TNRC6A: variants seen among roughly 807,000 people sequenced by gnomAD.
TNRC6A encodes trinucleotide repeat containing adaptor 6A, also known as trinucleotide repeat-containing gene 6A protein.
In TNRC6A, 44 loss-of-function variants were observed where a neutral mutation model predicts 221.2. The ratio of observed to expected loss-of-function variants is 0.20; its 90% CI spans 0.16 to 0.26. The LOEUF is 0.26. Ranked by LOEUF, TNRC6A falls within the 10% of genes least tolerant of loss-of-function variation. The probability of loss-of-function intolerance (pLI) is 1.00; values close to 1 mark genes in which losing one functional copy is unlikely to be tolerated. For missense variants in TNRC6A, 2,199 were observed against 2,404.4 expected (o/e 0.91, Z 1.79); for synonymous variants, 847 against 838.5 (o/e 1.01, Z -0.18).
chr16:24,670,883 T>C, intron 2 of TNRC6A: 1 of 267,182 alleles, frequency 3.7e-6, no homozygotes, highest in Admixed American at 4.0e-5. Context: ...CCTTGCCCGT[T>C]TCTCTCACCT....
chr16:24,687,884 C>A (rs71375680), intron 2 of TNRC6A, among the ~76,000 whole-genome samples: 65,989 of 110,238 alleles, frequency 0.6, 19,253 homozygotes, highest in Non-Finnish European at 0.68. Context: ...GAAGAAGAAG[C>A]AGCTTATTCC....
chr16:24,670,335 A>C (rs191603895), intron 2 of TNRC6A, among the ~76,000 whole-genome samples: 3 of 152,136 alleles, frequency 2.0e-5, no homozygotes, highest in Admixed American at 2.0e-4. Flanking sequence ...CTTAGCTGGG[A>C]AGTGGCAGAG....
chr16:24,757,296 G>T (rs113002142), intron 3 of TNRC6A, among the ~76,000 whole-genome samples: 2 of 152,028 alleles, frequency 1.3e-5, no homozygotes, highest in Non-Finnish European at 2.9e-5. Context: ...CAATATTAGG[G>T]AGTTACTATA....
intron 11 of TNRC6A, among the ~76,000 whole-genome samples, chr16:24,801,241 C>T (rs989490090): frequency 2.0e-5 from 3 of 152,048 alleles, no homozygotes; most frequent in Non-Finnish European, 4.4e-5. Context: ...GATAATGGAC[C>T]GAAGACAGTC....
intron 2 of TNRC6A, among the ~76,000 whole-genome samples, chr16:24,674,368 G>T (rs1357740349): frequency 6.6e-6 from 1 of 152,080 alleles, no homozygotes; most frequent in Non-Finnish European, 1.5e-5. Context: ...TCATGCCACT[G>T]CACTCCAGCC....
chr16:24,769,723 G>A, intron 4 of TNRC6A, among the ~76,000 whole-genome samples: 1 of 152,128 alleles, frequency 6.6e-6, no homozygotes, highest in South Asian at 2.1e-4. Flanking sequence ...ATACTAACCA[G>A]TGACCATCAT....
At chr16:24,731,977 C>T (rs1031522976) in intron 2 of TNRC6A, among the ~76,000 whole-genome samples, 1 of 152,202 alleles carries the variant, frequency 6.6e-6, no homozygotes, top group Non-Finnish European at 1.5e-5. Context: ...AGGGCATGTA[C>T]AGTCTAGTAG....
At chr16:24,729,647 A>T, upstream of TNRC6A, 1 of 532,288 alleles carries the variant, frequency 1.9e-6, no homozygotes, top group Non-Finnish European at 2.9e-6. Flanking sequence ...CGAGTGGGGC[A>T]TTCACTTCCG....
intron 6 of TNRC6A, among the ~76,000 whole-genome samples, chr16:24,792,905 C>T (rs538390598): frequency 2.0e-5 from 3 of 151,620 alleles, no homozygotes; most frequent in Non-Finnish European, 4.4e-5. Context: ...TCTCCTGTCT[C>T]AGCCTCCTGA....
intron 1 of TNRC6A, among the ~76,000 whole-genome samples, chr16:24,620,950 G>C (rs1900638072): frequency 6.6e-6 from 1 of 151,708 alleles, no homozygotes; most frequent in Non-Finnish European, 1.5e-5. Flanking sequence ...TGGGCATGGT[G>C]GTGGGTGCCT....
chr16:24,745,309 G>C (rs965120359), intron 2 of TNRC6A, among the ~76,000 whole-genome samples: 14 of 152,098 alleles, frequency 9.2e-5, no homozygotes, highest in African/African-American at 3.1e-4. Flanking sequence ...AAGGTTGCTA[G>C]TGACTTCCTG....
At chr16:24,794,459 A>C (rs1436684961) in intron 7 of TNRC6A, 85 bp from the exon 8 acceptor site, 1 of 1,442,772 alleles carries the variant, frequency 6.9e-7, no homozygotes, top group Non-Finnish European at 9.3e-7. Flanking sequence ...TAGGTTCTCT[A>C]CCCAATTTTT....
Position 24,823,231 on chromosome 16 carries a change from G to A in TNRC6A, c.5514-201G>A, listed in dbSNP as rs887018693. On this transcript the variant is annotated intron_variant, in intron 24 of 24. Transcript: ENST00000395799. The surrounding 1 kb of genome is among the most constrained non-coding windows in gnomAD (Gnocchi z 4.3). ...TGCCCATGGCAGACAGAGGAAGTTC[G>A]CTCTGGGCAAGGCACCAGGCCCTGG... 2.0e-5 allele frequency among the ~76,000 whole-genome samples: 3 copies of A among 152,206 alleles called. No homozygotes were observed. Among genetic ancestry groups the A allele is most frequent in the African/African-American group, 4.8e-5 (2 of 41,460 alleles).
intron 2 of TNRC6A, among the ~76,000 whole-genome samples, chr16:24,711,522 T>A (rs1404990217): frequency 1.3e-5 from 2 of 152,216 alleles, no homozygotes; most frequent in African/African-American, 4.8e-5. Flanking sequence ...ACCACTGACA[T>A]TCTTTCTATG....
intron 4 of TNRC6A, among the ~76,000 whole-genome samples, chr16:24,775,223 A>G (rs1273572069): frequency 6.6e-6 from 1 of 152,194 alleles, no homozygotes; most frequent in Non-Finnish European, 1.5e-5. Context: ...CAAAATTTTC[A>G]CCCATAATTA....
At chr16:24,735,842 A>G (rs1221286361) in intron 2 of TNRC6A, among the ~76,000 whole-genome samples, 1 of 152,218 alleles carries the variant, frequency 6.6e-6, no homozygotes, top group Non-Finnish European at 1.5e-5. Flanking sequence ...TCTCACTGAA[A>G]AAACAGAAAT....
At position 24,823,416 on chromosome 16, in the gene TNRC6A, T is replaced by G; in HGVS notation, c.5514-16T>G. ...GTGTGCTGTCCTCACGTGTCCGCGG[T>G]GCCTCTCTCCTCTAGGTGTGTACTG... On this transcript the variant is annotated splice_polypyrimidine_tract_variant and intron_variant, in intron 24 of 24. Transcript: ENST00000395799. The surrounding 1 kb of genome is among the most constrained non-coding windows in gnomAD (Gnocchi z 4.3). 6.3e-7 allele frequency: 1 copy of G among 1,595,884 alleles called. No individual in the cohort carries two copies. Among genetic ancestry groups the G allele is most frequent in the East Asian group, 2.2e-5 (1 of 44,612 alleles).
intron 2 of TNRC6A, among the ~76,000 whole-genome samples, chr16:24,707,497 T>C (rs2056120078): frequency 6.6e-6 from 1 of 151,938 alleles, no homozygotes; most frequent in African/African-American, 2.4e-5. Context: ...TAGGCTAAAT[T>C]AAAAGGTAGG....
At chr16:24,668,566 A>C (rs545398789) in intron 2 of TNRC6A, among the ~76,000 whole-genome samples, 7 of 152,100 alleles carry the variant, frequency 4.6e-5, no homozygotes, top group African/African-American at 1.4e-4. Flanking sequence ...GCTTGCCTCC[A>C]TTTTTATCAC....
Sources: allele counts gnomAD v4.1 joint callset (sites outside exome capture counted in the v4.1 genomes callset), GRCh38; gene constraint gnomAD v4.1.1; non-coding constraint Gnocchi (gnomAD v3.1); transcripts MANE v1.5; gene names NCBI Gene and HGNC (gene_info 2026-07-23, HGNC 2026-07-21).